Variants in HACD2 observed in about 807,000 individuals in gnomAD.
The protein encoded by HACD2 is 3-hydroxyacyl-CoA dehydratase 2.
Under a neutral mutation model 31.0 loss-of-function variants are expected in HACD2, and 15 were observed. That is an observed-to-expected ratio of 0.48 (90% CI 0.32 to 0.75). HACD2 has a LOEUF of 0.75. HACD2 is among the 30% of genes least tolerant of loss of function. HACD2 has a pLI of 0.03. For synonymous variants in HACD2, 115 were observed against 122.2 expected (o/e 0.94, Z 0.39); for missense variants, 283 against 313.0 (o/e 0.90, Z 0.72).
chr3:123,559,641 C>T (rs1029155931), intron 3 of HACD2, among the ~76,000 whole-genome samples: 1 of 152,140 alleles, frequency 6.6e-6, no homozygotes, highest in African/African-American at 2.4e-5. Context: ...CAGGGTGTGC[C>T]CTGGGTTGAT....
At chr3:123,567,005 A>G (rs2056799171) in intron 3 of HACD2, among the ~76,000 whole-genome samples, 1 of 152,222 alleles carries the variant, frequency 6.6e-6, no homozygotes, top group Admixed American at 6.5e-5. Context: ...TGATGGGGCC[A>G]TAACGGTATA....
In HACD2 at chr3:123,494,516, A is replaced by G; in HGVS notation, c.*372T>C. 3.7e-6 allele frequency: 1 copy of G among 268,858 alleles called. No individual in the cohort carries two copies. The highest frequency in any genetic ancestry group is 1.4e-4 in the East Asian group (1 of 7,258). The allele number at this position is 268,858 out of a possible 1,614,324, so 16.7% of individuals were successfully genotyped here. ...AACTATACTGCAAGCTGGGCTATTC[A>G]GCTGGTACGACTTCATTATTCAGAC... On this transcript the variant is annotated 3_prime_UTR_variant, in exon 7 of 7. Coordinates refer to ENST00000383657, the MANE Select transcript of HACD2 (RefSeq NM_198402.5).
intron 3 of HACD2, among the ~76,000 whole-genome samples, chr3:123,560,251 T>C (rs2056713629): frequency 6.6e-6 from 1 of 152,212 alleles, no homozygotes; most frequent in African/African-American, 2.4e-5. Context: ...ACTAAGCTGG[T>C]CTGGTCTGAA....
Position 123,493,510 on chromosome 3 carries a change from G to C in HACD2, c.*1378C>G, listed in dbSNP as rs1350069130. ...CAAAAAAAGGCAGCTGCAGGGGATG[G>C]GGGAGGAAAAAAGGCTCCATGAAGA... On this transcript the variant is annotated 3_prime_UTR_variant, in exon 7 of 7. Coordinates refer to ENST00000383657, the MANE Select transcript of HACD2 (RefSeq NM_198402.5). The C allele has an allele frequency of 6.6e-6, 1 of 152,166 alleles. No individual in the cohort carries two copies. The highest frequency in any genetic ancestry group is 1.5e-5 in the Non-Finnish European group (1 of 68,036). 9.4% of individuals were successfully genotyped at this position (152,166 alleles called of 1,614,324 possible).
chr3:123,508,993 A>T (rs2107687386), intron 4 of HACD2, among the ~76,000 whole-genome samples: 1 of 152,190 alleles, frequency 6.6e-6, no homozygotes, highest in African/African-American at 2.4e-5. Flanking sequence ...GCATGACCTC[A>T]TCTAAACTTA....
chr3:123,561,582 C>A (rs1040807584), intron 3 of HACD2, among the ~76,000 whole-genome samples: 2 of 152,144 alleles, frequency 1.3e-5, no homozygotes, highest in South Asian at 4.1e-4. Context: ...TTCAGTTCCA[C>A]TACCTGCACC....
rs150498951 is a variant in HACD2, at chr3:123,584,806, C to T, written c.155+67G>A. Reference sequence around the variant, plus strand: ...CGGGCCGCGCCGATCCTATCCGCCCCGCCGCTGGCCGCAGGGCTCCCTCCC... The same window carrying T: ...CGGGCCGCGCCGATCCTATCCGCCCTGCCGCTGGCCGCAGGGCTCCCTCCC... On this transcript the variant is annotated intron_variant, in intron 1 of 6. Transcript: ENST00000383657. 0.02 allele frequency: 25,953 copies of T among 1,293,894 alleles called. 1,306 individuals are homozygous for T. The East Asian group carries it at 0.24, about 12-fold the overall frequency. The allele number at this position is 1,293,894 out of a possible 1,614,324, so 80.2% of individuals were successfully genotyped here. A position where few individuals can be genotyped will look rare whatever the true frequency, so the allele number is the denominator to read the frequency against.
chr3:123,568,338 G>A (rs2056817006), intron 2 of HACD2, among the ~76,000 whole-genome samples: 1 of 152,180 alleles, frequency 6.6e-6, no homozygotes, highest in Non-Finnish European at 1.5e-5. Context: ...ATCCCAAGCT[G>A]CCTCTGGACA....
chr3:123,580,694 G>A (rs1046226330), intron 2 of HACD2, among the ~76,000 whole-genome samples: 6 of 150,818 alleles, frequency 4.0e-5, no homozygotes, highest in African/African-American at 1.5e-4. Context: ...GAGGTGGGAG[G>A]ACTGCTTGGT....
At chr3:123,517,855 C>A (rs1361724447) in intron 4 of HACD2, among the ~76,000 whole-genome samples, 1 of 152,210 alleles carries the variant, frequency 6.6e-6, no homozygotes, top group Admixed American at 6.5e-5. Flanking sequence ...TGGTGACCTA[C>A]GGTCCCTGAC....
intron 2 of HACD2, among the ~76,000 whole-genome samples, chr3:123,576,423 T>C (rs979698321): frequency 6.6e-6 from 1 of 152,184 alleles, no homozygotes; most frequent in African/African-American, 2.4e-5. Flanking sequence ...TGACACTTAT[T>C]AATTTTAATC....
chr3:123,494,887 A>T lies in HACD2; in HGVS notation c.*1T>A. On this transcript the variant is annotated 3_prime_UTR_variant, in exon 7 of 7. Coordinates refer to ENST00000383657, the MANE Select transcript of HACD2 (RefSeq NM_198402.5). ...TTGGTGGGAGGTGCAGAAAGCAGGA[A>T]CTATTCAAATTTCTTGTGTTCTTCA... The T allele has an allele frequency of 6.5e-7, 1 of 1,545,154 alleles. No individual in the cohort carries two copies. Among genetic ancestry groups the T allele is most frequent in the Non-Finnish European group, 8.8e-7 (1 of 1,139,500 alleles).
intron 6 of HACD2, among the ~76,000 whole-genome samples, chr3:123,496,000 A>C (rs1266393889): frequency 6.6e-6 from 1 of 152,016 alleles, no homozygotes; most frequent in Non-Finnish European, 1.5e-5. Context: ...TCCTCTCCTC[A>C]TCTCTCCAAC....
rs1179128254 is a variant in HACD2, at chr3:123,553,886, G to A, written c.292+13876C>T. Among the ~76,000 whole-genome samples the A allele has an allele frequency of 2.0e-5, 3 of 151,702 alleles. No homozygotes were observed. In the East Asian group the frequency reaches 5.8e-4, roughly 29 times the overall value. On this transcript the variant is annotated intron_variant, in intron 3 of 6. Transcript: ENST00000383657. ...ACAAACTTACTAGCTTGTGAGTAAG[G>A]TGACATCTCCAATGTGTCACAGTTC...
At chr3:123,576,547 T>C (rs2056909460) in intron 2 of HACD2, among the ~76,000 whole-genome samples, 1 of 152,234 alleles carries the variant, frequency 6.6e-6, no homozygotes, top group South Asian at 2.1e-4. Flanking sequence ...TTGCTAGCTT[T>C]TCAAAAGCCT....
intron 3 of HACD2, among the ~76,000 whole-genome samples, chr3:123,545,272 A>T (rs1398352016): frequency 6.6e-6 from 1 of 150,884 alleles, no homozygotes; most frequent in Non-Finnish European, 1.5e-5. Flanking sequence ...ACTTGAGGTC[A>T]GGAGTTTGAG....
rs1411715118 is a variant in HACD2, at chr3:123,492,434, A to T, written c.*2454T>A. On this transcript the variant is annotated 3_prime_UTR_variant, in exon 7 of 7. Transcript: ENST00000383657. ...TTGTTCTCAATTTATAAAATAATAA[A>T]TGACTTCAAAGGAGAAATGAATTCA... The T allele has an allele frequency of 2.6e-5, 4 of 152,224 alleles. No individual in the cohort carries two copies. Among genetic ancestry groups the T allele is most frequent in the African/African-American group, 9.6e-5 (4 of 41,464 alleles). The allele number at this position is 152,224 out of a possible 1,614,324, so 9.4% of individuals were successfully genotyped here. A position where few individuals can be genotyped will look rare whatever the true frequency, so the allele number is the denominator to read the frequency against.
At chr3:123,521,435 T>G (rs931612889) in intron 4 of HACD2, among the ~76,000 whole-genome samples, 6 of 152,140 alleles carry the variant, frequency 3.9e-5, no homozygotes, top group South Asian at 2.1e-4. Flanking sequence ...CGTAGGATAT[T>G]TTTCTCTGGG....
In HACD2 at chr3:123,519,682, T is replaced by C. The variant is rs571533120; in HGVS notation, c.381+8704A>G. 2.6e-5 allele frequency among the ~76,000 whole-genome samples: 4 copies of C among 152,364 alleles called. No individual in the cohort carries two copies. The East Asian group carries it at 7.7e-4, about 29-fold the overall frequency. ...CCCTATTGGTATTTCAAAATAGATTTATTTTGAAAAGCTACACTACATAAA... is the reference window on the plus strand; with the variant it reads ...CCCTATTGGTATTTCAAAATAGATTCATTTTGAAAAGCTACACTACATAAA... On this transcript the variant is annotated intron_variant, in intron 4 of 6. Coordinates refer to ENST00000383657, the MANE Select transcript of HACD2 (RefSeq NM_198402.5).
Sources: gnomAD v4.1 joint callset for allele counts (sites outside exome capture counted in the v4.1 genomes callset) on GRCh38, gnomAD v4.1.1 for gene constraint, MANE v1.5 for transcripts, NCBI Gene and HGNC (gene_info 2026-07-23, HGNC 2026-07-21) for gene names.